Variants in VPS13B observed in about 807,000 individuals in gnomAD.
VPS13B encodes the protein intermembrane lipid transfer protein VPS13B.
Under a neutral mutation model 426.4 loss-of-function variants are expected in VPS13B, and 285 were observed. The ratio of observed to expected loss-of-function variants is 0.67; its 90% CI spans 0.61 to 0.74. The LOEUF (loss-of-function observed/expected upper bound fraction) is 0.74, where lower values mean the gene tolerates loss of function less well. VPS13B is among the 30% of genes least tolerant of loss of function. VPS13B has a pLI of 0.00. For missense variants in VPS13B, 4,537 were observed against 4,782.6 expected, an observed-to-expected ratio of 0.95 and a Z score of 1.51; for synonymous variants, 1,676 against 1,676.4, an observed-to-expected ratio of 1.00 and a Z score of 0.01.
chr8:99,785,171 T>C (rs1812201792), intron 43 of VPS13B, among the ~76,000 whole-genome samples: 1 of 152,160 alleles, frequency 6.6e-6, no homozygotes, highest in South Asian at 2.1e-4. Context: ...AATATGAAGA[T>C]GAATTAAATA....
intron 22 of VPS13B, among the ~76,000 whole-genome samples, chr8:99,440,627 G>C (rs751278214): frequency 2.0e-5 from 3 of 152,000 alleles, no homozygotes; most frequent in Non-Finnish European, 4.4e-5. Context: ...GTTTATTTTA[G>C]AGTTGTTATG....
At chr8:99,488,258 A>G (rs896902188) in intron 25 of VPS13B, among the ~76,000 whole-genome samples, 48 of 152,298 alleles carry the variant, frequency 3.2e-4, no homozygotes. Context: ...GTGTTCAAGT[A>G]TATTTCAAAA....
intron 33 of VPS13B, among the ~76,000 whole-genome samples, chr8:99,608,694 T>C (rs1827709940): frequency 6.6e-6 from 1 of 152,112 alleles, no homozygotes; most frequent in African/African-American, 2.4e-5. Flanking sequence ...CTAACATACC[T>C]TGTTTCTCTA....
intron 12 of VPS13B, among the ~76,000 whole-genome samples, chr8:99,137,622 G>T (rs1159220277): frequency 6.6e-6 from 1 of 151,972 alleles, no homozygotes; most frequent in Admixed American, 6.6e-5. Context: ...GAAGAAAGAA[G>T]GAAAGAGCAG....
In VPS13B at chr8:99,720,553, G is replaced by C; in HGVS notation, c.6865+1G>C. On this transcript the variant is annotated splice_donor_variant, in intron 38 of 61. Coordinates refer to ENST00000357162, the MANE Select transcript of VPS13B (RefSeq NM_152564.5). LOFTEE classifies it high-confidence loss of function. ...CTATTTCAGTATGTACAGGATGCTG[G>C]TAAGTAGCAACAGACTCAGTATGAG... 6.2e-7 allele frequency: 1 copy of C among 1,613,666 alleles called. No homozygotes were observed. The highest frequency in any genetic ancestry group is 8.5e-7 in the Non-Finnish European group (1 of 1,179,662).
chr8:99,215,914 C>T (rs1043290805), intron 17 of VPS13B, among the ~76,000 whole-genome samples: 2 of 152,182 alleles, frequency 1.3e-5, no homozygotes, highest in Non-Finnish European at 2.9e-5. Context: ...AGCAGGCTTT[C>T]CAAAGGATAA....
At chr8:99,452,656 GA>G (rs1309879278) in intron 23 of VPS13B, among the ~76,000 whole-genome samples, 1 of 151,750 alleles carries the variant, frequency 6.6e-6, no homozygotes, top group African/African-American at 2.4e-5. Flanking sequence ...TTTACGAAAT[GA>G]AAAAAAGGGG....
At chr8:99,509,567 G>A (rs1821677804) in intron 28 of VPS13B, among the ~76,000 whole-genome samples, 1 of 152,132 alleles carries the variant, frequency 6.6e-6, no homozygotes, top group African/African-American at 2.4e-5. Context: ...ATGAGAGGAA[G>A]AAAATGGAAG....
chr8:99,604,161 A>T (rs1827455709), intron 33 of VPS13B, among the ~76,000 whole-genome samples: 2 of 152,098 alleles, frequency 1.3e-5, no homozygotes, highest in South Asian at 4.1e-4. Flanking sequence ...AATTTTTGGA[A>T]TGTAGCTCTT....
chr8:99,207,233 A>G (rs1434347799), intron 17 of VPS13B, among the ~76,000 whole-genome samples: 4 of 152,092 alleles, frequency 2.6e-5, no homozygotes, highest in African/African-American at 7.2e-5. Context: ...GGAGGTTGCA[A>G]TTTTGTGTGT....
chr8:99,250,653 G>A (rs974682171), intron 17 of VPS13B, among the ~76,000 whole-genome samples: 5 of 129,186 alleles, frequency 3.9e-5, no homozygotes, highest in Admixed American at 8.2e-5. Flanking sequence ...CCACTAATCC[G>A]TGTGTTTATT....
intron 19 of VPS13B, among the ~76,000 whole-genome samples, chr8:99,378,098 G>GCATAAGGC (rs1184957557): frequency 2.1e-5 from 3 of 141,494 alleles, no homozygotes; most frequent in African/African-American, 7.9e-5. Context: ...ACCTGCAACT[G>GCATAAGGC]CATAAGGCGG....
At chr8:99,777,199 C>T (rs759645539) in intron 41 of VPS13B, among the ~76,000 whole-genome samples, 8 of 152,082 alleles carry the variant, frequency 5.3e-5, no homozygotes, top group Non-Finnish European at 1.0e-4. Context: ...TGAATGCTAC[C>T]TAATGAGAAT....
chr8:99,607,748 A>T (rs1038229141), intron 33 of VPS13B, among the ~76,000 whole-genome samples: 2 of 152,176 alleles, frequency 1.3e-5, no homozygotes, highest in Non-Finnish European at 2.9e-5. Flanking sequence ...ACTGTTTATT[A>T]GCTATAACCT....
At chr8:99,713,320 T>TA (rs1194403460) in intron 36 of VPS13B, among the ~76,000 whole-genome samples, 3 of 152,216 alleles carry the variant, frequency 2.0e-5, no homozygotes, top group Non-Finnish European at 4.4e-5. Context: ...GGCTTTTTTT[T>TA]AGTAGATAAT....
chr8:99,519,352 C>T (rs557404517), intron 29 of VPS13B, among the ~76,000 whole-genome samples: 42 of 152,144 alleles, frequency 2.8e-4, no homozygotes, highest in Admixed American at 1.8e-3. Flanking sequence ...ACACTGTTGG[C>T]GGGACTGTAA....
chr8:99,749,537 C>A (rs1397424869), intron 39 of VPS13B, among the ~76,000 whole-genome samples: 1 of 152,026 alleles, frequency 6.6e-6, no homozygotes, highest in Non-Finnish European at 1.5e-5. Flanking sequence ...GTAATGTCCT[C>A]CGGTTCCATC....
chr8:99,705,925 A>T (rs780543211), intron 36 of VPS13B, among the ~76,000 whole-genome samples: 1 of 152,068 alleles, frequency 6.6e-6, no homozygotes, highest in Non-Finnish European at 1.5e-5. Context: ...GAGCGATCTC[A>T]TGTGCTGTGG....
intron 8 of VPS13B, among the ~76,000 whole-genome samples, chr8:99,124,839 G>A (rs7819606): frequency 0.082 from 10,654 of 129,382 alleles, 585 homozygotes; most frequent in African/African-American, 0.18. Flanking sequence ...CTGAGATCAC[G>A]CCATTGCACT....
Sources: allele counts gnomAD v4.1 joint callset (sites outside exome capture counted in the v4.1 genomes callset), GRCh38; gene constraint gnomAD v4.1.1; transcripts MANE v1.5; gene names NCBI Gene and HGNC (gene_info 2026-07-23, HGNC 2026-07-21).